Variants in AIMP1 observed in about 807,000 individuals in gnomAD.
The protein encoded by AIMP1 is aminoacyl tRNA synthase complex-interacting multifunctional protein 1.
AIMP1 carries 24 observed loss-of-function variants against 33.1 expected under a neutral mutation model. The observed-to-expected ratio is 0.73, with a 90% CI of 0.53 to 1.02. AIMP1 has a LOEUF of 1.02. Among genes scored for constraint, AIMP1 ranks in the 50% least tolerant of loss-of-function variants. The pLI is 0.00. For missense variants in AIMP1, 367 were observed against 364.8 expected (o/e 1.01, Z -0.05); for synonymous variants, 120 against 121.5 (o/e 0.99, Z 0.08).
At chr4:106,325,621 G>A (rs1329587016) in intron 2 of AIMP1, among the ~76,000 whole-genome samples, 2 of 151,850 alleles carry the variant, frequency 1.3e-5, no homozygotes, top group African/African-American at 4.8e-5. Flanking sequence ...GTCTTCTGTA[G>A]GTGGCCATTT....
At chr4:106,337,484 C>G (rs1166613745) in intron 6 of AIMP1, among the ~76,000 whole-genome samples, 1 of 152,148 alleles carries the variant, frequency 6.6e-6, no homozygotes, top group Non-Finnish European at 1.5e-5. Context: ...ATAAGACATG[C>G]CTTTGCTCCT....
At chr4:106,317,421 G>C (rs990727697) in intron 1 of AIMP1, among the ~76,000 whole-genome samples, 1 of 152,188 alleles carries the variant, frequency 6.6e-6, no homozygotes, top group Non-Finnish European at 1.5e-5. Flanking sequence ...ACTTTGGAGC[G>C]TTTTGAGCAG....
chr4:106,324,346 A>G (rs1769379401), intron 1 of AIMP1, among the ~76,000 whole-genome samples: 1 of 151,924 alleles, frequency 6.6e-6, no homozygotes, highest in South Asian at 2.1e-4. Context: ...TTAATCTCAG[A>G]ATGTTTGCTT....
Position 106,324,981 on chromosome 4 carries a change from A to C in AIMP1, c.-25-4A>C, listed in dbSNP as rs776200406. On this transcript the variant is annotated splice_region_variant and splice_polypyrimidine_tract_variant and intron_variant, in intron 1 of 6. Transcript: ENST00000672341. Reference sequence around the variant, plus strand: ...GTAATTTATCACTTTTATTTTTCCTATAGGATTTTCTGCCGTCTCTTGGCA... The same window carrying C: ...GTAATTTATCACTTTTATTTTTCCTCTAGGATTTTCTGCCGTCTCTTGGCA... 1 of 1,593,500 alleles carries C rather than the reference A, an allele frequency of 6.3e-7. No homozygotes were observed. Among genetic ancestry groups the C allele is most frequent in the Non-Finnish European group, 8.5e-7 (1 of 1,170,998 alleles).
intron 4 of AIMP1, among the ~76,000 whole-genome samples, chr4:106,329,043 T>C (rs975102011): frequency 1.6e-5 from 1 of 63,724 alleles, no homozygotes; most frequent in African/African-American, 6.5e-5. Flanking sequence ...ACTTATTTAC[T>C]TTTTTTTTTT....
intron 4 of AIMP1, among the ~76,000 whole-genome samples, chr4:106,328,961 G>C (rs1016930018): frequency 2.0e-5 from 3 of 151,178 alleles, no homozygotes; most frequent in African/African-American, 7.3e-5. Flanking sequence ...TTGTAAATCT[G>C]ACTTCCTTTC....
rs1339866682 is a variant in AIMP1 at position 106,327,967 on chromosome 4, CA to C, written c.224-108del. The stretch of plus-strand genomic sequence containing the variant: ...ACAGTGGATATTTGATAGCCATATA[CA>C]GTGAATTTTTCATTTAAAAAGAGTT... On this transcript the variant is annotated intron_variant, in intron 3 of 6. Coordinates refer to ENST00000672341, the MANE Select transcript of AIMP1 (RefSeq NM_001142416.2). 5 of 1,482,492 alleles carry C rather than the reference CA, an allele frequency of 3.4e-6. No individual in the cohort carries two copies. The African/African-American group carries it at 7.0e-5, about 21-fold the overall frequency. 91.8% of individuals were successfully genotyped at this position (1,482,492 alleles called of 1,614,324 possible).
At chr4:106,317,572 G>T (rs2125917004) in intron 1 of AIMP1, among the ~76,000 whole-genome samples, 1 of 152,252 alleles carries the variant, frequency 6.6e-6, no homozygotes, top group East Asian at 1.9e-4. Context: ...TTTGACTATG[G>T]GTGGTAAGAA....
At chr4:106,326,983 C>T (rs1769477425) in intron 2 of AIMP1, among the ~76,000 whole-genome samples, 1 of 152,018 alleles carries the variant, frequency 6.6e-6, no homozygotes, top group African/African-American at 2.4e-5. Context: ...TGCCATGTTG[C>T]CCAGGCTGGT....
chr4:106,320,772 C>G (rs979811061), intron 1 of AIMP1, among the ~76,000 whole-genome samples: 1 of 152,142 alleles, frequency 6.6e-6, no homozygotes, highest in Non-Finnish European at 1.5e-5. Flanking sequence ...CTCTCCCTCT[C>G]CGCACCGTCT....
chr4:106,322,003 C>G (rs1449977756), intron 1 of AIMP1, among the ~76,000 whole-genome samples: 1 of 151,622 alleles, frequency 6.6e-6, no homozygotes, highest in East Asian at 1.9e-4. Flanking sequence ...GGCCCGTGCT[C>G]TCTGAAACGT....
intron 5 of AIMP1, among the ~76,000 whole-genome samples, chr4:106,333,890 CT>C (rs923215138): frequency 1.3e-5 from 2 of 152,118 alleles, no homozygotes; most frequent in African/African-American, 4.8e-5. Context: ...AGTTTACTTT[CT>C]TCCTTTTTCT....
At chr4:106,336,372 C>T (rs1440539845) in intron 5 of AIMP1, among the ~76,000 whole-genome samples, 2 of 151,908 alleles carry the variant, frequency 1.3e-5, no homozygotes, top group Non-Finnish European at 2.9e-5. Context: ...ATAAATCTAG[C>T]ATAGCTCTGG....
chr4:106,343,633 A>G (rs964191158), intron 6 of AIMP1, among the ~76,000 whole-genome samples: 1 of 152,138 alleles, frequency 6.6e-6, no homozygotes, highest in African/African-American at 2.4e-5. Context: ...ATTTCGAGAA[A>G]ATCTCAGTCT....
At chr4:106,336,512 T>C (rs1769890236) in intron 5 of AIMP1, among the ~76,000 whole-genome samples, 1 of 152,234 alleles carries the variant, frequency 6.6e-6, no homozygotes, top group Non-Finnish European at 1.5e-5. Flanking sequence ...TTCAATATTA[T>C]TTCTCTCATT....
intron 5 of AIMP1, among the ~76,000 whole-genome samples, chr4:106,335,354 C>A (rs1464195809): frequency 6.6e-6 from 1 of 151,830 alleles, no homozygotes; most frequent in Non-Finnish European, 1.5e-5. Flanking sequence ...TTTTTCTCTT[C>A]CAGCAGCCAT....
intron 6 of AIMP1, among the ~76,000 whole-genome samples, chr4:106,345,953 C>T (rs1005171102): frequency 1.3e-5 from 2 of 148,874 alleles, no homozygotes; most frequent in Non-Finnish European, 3.0e-5. Flanking sequence ...TAAGTAATTC[C>T]AAGAGATCTC....
Position 106,317,505 on chromosome 4 carries a change from G to A in AIMP1, c.-26+911G>A, listed in dbSNP as rs941753255. On this transcript the variant is annotated intron_variant, in intron 1 of 6. Coordinates refer to ENST00000672341, the MANE Select transcript of AIMP1 (RefSeq NM_001142416.2). ...AAATACACAGAGGAGGACGTGGTAG[G>A]AGAAAGGAGACCAATAAGAAGAGTT... Among the ~76,000 whole-genome samples, 4 of 152,318 alleles carry A rather than the reference G, an allele frequency of 2.6e-5. No individual in the cohort carries two copies. In the South Asian group the frequency reaches 6.2e-4, roughly 24 times the overall value.
intron 5 of AIMP1, among the ~76,000 whole-genome samples, chr4:106,332,314 G>C (rs1055010877): frequency 6.6e-6 from 1 of 151,688 alleles, no homozygotes; most frequent in African/African-American, 2.4e-5. Flanking sequence ...TTTTCCTCAA[G>C]TATGAAAATA....
Sources: gnomAD v4.1 joint callset for allele counts (sites outside exome capture counted in the v4.1 genomes callset) on GRCh38, gnomAD v4.1.1 for gene constraint, MANE v1.5 for transcripts, NCBI Gene and HGNC (gene_info 2026-07-23, HGNC 2026-07-21) for gene names.